KLRG1: variants seen among roughly 807,000 people sequenced by gnomAD.
KLRG1 encodes the protein killer cell lectin-like receptor subfamily G member 1.
In KLRG1, 16 loss-of-function variants were observed where a neutral mutation model predicts 21.8. The ratio of observed to expected loss-of-function variants is 0.73; its 90% CI spans 0.50 to 1.11. The LOEUF is 1.11. Among genes scored for constraint, KLRG1 ranks in the 50% most tolerant of loss-of-function variants. The pLI is 0.00. For synonymous variants in KLRG1, 69 were observed against 75.9 expected (o/e 0.91, Z 0.47); for missense variants, 173 against 218.3 (o/e 0.79, Z 1.31).
chr12:8,967,174 G>A (rs1946488241), intron 1 of KLRG1, among the ~76,000 whole-genome samples: 3 of 128,526 alleles, frequency 2.3e-5, no homozygotes, highest in African/African-American at 8.8e-5. Context: ...ATCACACACC[G>A]GGGACTGTTG....
At chr12:9,061,238 G>A in the KLRG1 span, among the ~76,000 whole-genome samples, 1 of 152,066 alleles carries the variant, frequency 6.6e-6, no homozygotes, top group African/African-American at 2.4e-5. Context: ...TTTTTGAAAA[G>A]TGTTGTTGAA....
At chr12:9,127,944 C>A in the KLRG1 span, 1 of 341,148 alleles carries the variant, frequency 2.9e-6, no homozygotes, top group African/African-American at 2.2e-5. Flanking sequence ...TGAGAACTCC[C>A]GGATTGTCTT....
chr12:8,991,820 A>G (rs1276979459), intron 1 of KLRG1, among the ~76,000 whole-genome samples: 1 of 151,790 alleles, frequency 6.6e-6, no homozygotes, highest in Non-Finnish European at 1.5e-5. Flanking sequence ...ACCCGCGAGT[A>G]TCTGTAGGAA....
the KLRG1 span, chr12:9,208,272 T>C: frequency 4.0e-5 from 64 of 1,613,134 alleles, no homozygotes; most frequent in Non-Finnish European, 5.0e-5. Context: ...TCTGTAGAGT[T>C]TGAGTCACTG....
the KLRG1 span, among the ~76,000 whole-genome samples, chr12:9,189,347 C>T: frequency 3.3e-5 from 5 of 152,156 alleles, no homozygotes; most frequent in Admixed American, 3.3e-4. Flanking sequence ...TAATGCTGCA[C>T]ACCCACAACC....
chr12:8,984,851 T>C (rs1393680423), upstream of KLRG1, among the ~76,000 whole-genome samples: 1 of 152,222 alleles, frequency 6.6e-6, no homozygotes, highest in Non-Finnish European at 1.5e-5. Context: ...TTAAATGTGA[T>C]GCATTATGGC....
intron 1 of KLRG1, among the ~76,000 whole-genome samples, chr12:8,958,577 C>T (rs1302181786): frequency 1.3e-5 from 2 of 150,546 alleles, no homozygotes; most frequent in Non-Finnish European, 3.0e-5. Context: ...CCTGCTGGGG[C>T]AAGGCATAGT....
At chr12:9,027,912 T>A in the KLRG1 span, 1 of 877,760 alleles carries the variant, frequency 1.1e-6, no homozygotes, top group Admixed American at 1.7e-5. Context: ...TCGACCTCTT[T>A]GGCTAGATGA....
the KLRG1 span, chr12:9,163,596 C>T: frequency 6.6e-7 from 1 of 1,518,804 alleles, no homozygotes; most frequent in Admixed American, 1.8e-5. Flanking sequence ...ATTAATGGTT[C>T]TTTGTTGTCT....
At chr12:9,043,181 T>C in the KLRG1 span, among the ~76,000 whole-genome samples, 1 of 150,674 alleles carries the variant, frequency 6.6e-6, no homozygotes, top group African/African-American at 2.4e-5. Context: ...ATTCAAGCAA[T>C]TCTCCCTGCC....
the KLRG1 span, among the ~76,000 whole-genome samples, chr12:9,204,637 C>G: frequency 6.6e-6 from 1 of 152,188 alleles, no homozygotes; most frequent in Non-Finnish European, 1.5e-5. Context: ...CTCCCTGCTA[C>G]ACACACACTA....
At chr12:9,053,148 G>T in the KLRG1 span, among the ~76,000 whole-genome samples, 1 of 152,048 alleles carries the variant, frequency 6.6e-6, no homozygotes, top group African/African-American at 2.4e-5. Flanking sequence ...CATTAGGTTC[G>T]TTGGCACATC....
intron 1 of KLRG1, among the ~76,000 whole-genome samples, chr12:8,952,621 C>T (rs1353250665): frequency 1.3e-5 from 2 of 152,200 alleles, no homozygotes; most frequent in South Asian, 2.1e-4. Context: ...CTCTGGTACA[C>T]ATTTTACCTA....
chr12:9,116,672 A>T, the KLRG1 span, among the ~76,000 whole-genome samples: 2 of 151,954 alleles, frequency 1.3e-5, no homozygotes, highest in East Asian at 3.9e-4. Context: ...CCATCCATCC[A>T]CCCATGCATT....
chr12:9,151,547 G>C, the KLRG1 span: 1 of 1,392,432 alleles, frequency 7.2e-7, no homozygotes, highest in East Asian at 2.3e-5. Context: ...CTAGTAAAGA[G>C]ACTCACTTAG....
the KLRG1 span, among the ~76,000 whole-genome samples, chr12:9,025,594 G>A: frequency 6.6e-6 from 1 of 152,178 alleles, no homozygotes; most frequent in East Asian, 1.9e-4. Context: ...CCGAGATCGT[G>A]CGACTGCACT....
At chr12:9,049,122 A>G in the KLRG1 span, among the ~76,000 whole-genome samples, 1 of 152,234 alleles carries the variant, frequency 6.6e-6, no homozygotes, top group Non-Finnish European at 1.5e-5. Flanking sequence ...GAGTCCCTTC[A>G]GAGCAGGGAC....
At chr12:9,168,753 CTT>C in the KLRG1 span, 1 of 757,418 alleles carries the variant, frequency 1.3e-6, no homozygotes, top group Non-Finnish European at 2.2e-6. Context: ...TAATTTGAAT[CTT>C]GGTTTCTTTG....
the KLRG1 span, chr12:9,202,775 A>G: frequency 4.9e-6 from 6 of 1,234,334 alleles, no homozygotes; most frequent in African/African-American, 9.1e-5. Context: ...TCTCTCCTTC[A>G]GCTTCACCAA....
Sources: gnomAD v4.1 joint callset for allele counts (sites outside exome capture counted in the v4.1 genomes callset) on GRCh38, gnomAD v4.1.1 for gene constraint, MANE v1.5 for transcripts, NCBI Gene and HGNC (gene_info 2026-07-23, HGNC 2026-07-21) for gene names.